The following AUTS2 variants were observed in gnomAD, a reference collection of about 807,000 sequenced individuals.
AUTS2 encodes activator of transcription and developmental regulator AUTS2.
A neutral mutation model predicts 112.4 loss-of-function variants in AUTS2; 17 were observed. The ratio of observed to expected loss-of-function variants is 0.15; its 90% CI spans 0.10 to 0.23. AUTS2 has a LOEUF of 0.23. AUTS2 is among the 10% of genes least tolerant of loss of function. The pLI, the probability that AUTS2 is intolerant of heterozygous loss-of-function variation, is 1.00. For missense variants in AUTS2, 1,510 were observed against 1,701.6 expected (o/e 0.89, Z 1.98); for synonymous variants, 751 against 702.7 (o/e 1.07, Z -1.09).
chr7:70,713,720 C>T (rs1390282734), intron 6 of AUTS2, among the ~76,000 whole-genome samples: 1 of 151,908 alleles, frequency 6.6e-6, no homozygotes, highest in Non-Finnish European at 1.5e-5. Flanking sequence ...TGGTGAAACC[C>T]CGTTTCTACT....
At chr7:70,389,983 T>C (rs1793780792) in intron 4 of AUTS2, among the ~76,000 whole-genome samples, 1 of 152,190 alleles carries the variant, frequency 6.6e-6, no homozygotes, top group African/African-American at 2.4e-5. Context: ...TTTTAGATGG[T>C]GCTTCATCTT....
intron 4 of AUTS2, among the ~76,000 whole-genome samples, chr7:70,348,551 T>C (rs1209859852): frequency 6.6e-6 from 1 of 152,036 alleles, no homozygotes; most frequent in African/African-American, 2.4e-5. Context: ...ACGCCTGTAA[T>C]CCCAGCACTT....
chr7:69,771,214 A>C (rs1788650186), intron 1 of AUTS2, among the ~76,000 whole-genome samples: 1 of 152,164 alleles, frequency 6.6e-6, no homozygotes, highest in Non-Finnish European at 1.5e-5. Context: ...CTGTATGTGA[A>C]CTCACAGGTT....
rs919501615 is a variant in AUTS2, at chr7:70,263,519, T to C, written c.660+128948T>C. On this transcript the variant is annotated intron_variant, in intron 4 of 18. Coordinates refer to ENST00000342771, the MANE Select transcript of AUTS2 (RefSeq NM_015570.4). ...GATATTATTCATGTAGCTATTCCTC[T>C]GTGAACCATAAAATGTTCATTTCTT... Among the ~76,000 whole-genome samples, 4 of 152,350 alleles carry C rather than the reference T, an allele frequency of 2.6e-5. 1 individual carries two copies. The South Asian group carries it at 8.3e-4, about 32-fold the overall frequency.
chr7:70,632,130 G>T (rs145865447), intron 5 of AUTS2, among the ~76,000 whole-genome samples: 2 of 152,150 alleles, frequency 1.3e-5, no homozygotes, highest in Non-Finnish European at 2.9e-5. Flanking sequence ...AGTACCCACC[G>T]TGGAGGTTGT....
intron 6 of AUTS2, among the ~76,000 whole-genome samples, chr7:70,760,532 T>C (rs1484040062): frequency 6.6e-6 from 1 of 152,232 alleles, no homozygotes; most frequent in Non-Finnish European, 1.5e-5. Flanking sequence ...TTCAATGCCT[T>C]TGATAATAGC....
intron 4 of AUTS2, among the ~76,000 whole-genome samples, chr7:70,399,589 TGG>T (rs1335942313): frequency 6.6e-6 from 1 of 152,148 alleles, no homozygotes; most frequent in Non-Finnish European, 1.5e-5. Context: ...CACACCTAAG[TGG>T]ATAGCAGTTT....
chr7:70,162,121 G>A (rs1808106176), intron 4 of AUTS2, among the ~76,000 whole-genome samples: 1 of 152,084 alleles, frequency 6.6e-6, no homozygotes, highest in African/African-American at 2.4e-5. Context: ...AAAATCAACA[G>A]TGTAGAATTT....
chr7:70,150,889 C>G (rs182549819), intron 4 of AUTS2, among the ~76,000 whole-genome samples: 1 of 152,242 alleles, frequency 6.6e-6, no homozygotes, highest in East Asian at 1.9e-4. Context: ...CTATTAGAAA[C>G]AACCAAAACA....
chr7:69,823,718 A>T (rs1055429524), intron 1 of AUTS2, among the ~76,000 whole-genome samples: 9 of 152,170 alleles, frequency 5.9e-5, no homozygotes, highest in African/African-American at 2.2e-4. Context: ...TTTTCTGTGC[A>T]CATAAAAGGA....
intron 1 of AUTS2, among the ~76,000 whole-genome samples, chr7:69,876,368 ATATATATATATATATG>A (rs1335597929): frequency 8.6e-6 from 1 of 116,026 alleles, no homozygotes; most frequent in African/African-American, 3.3e-5. Flanking sequence ...ATATATATAT[ATATATATATATATATG>A]TATATATAAT....
intron 2 of AUTS2, among the ~76,000 whole-genome samples, chr7:70,047,587 T>C (rs1801564480): frequency 6.6e-6 from 1 of 152,130 alleles, no homozygotes; most frequent in African/African-American, 2.4e-5. Context: ...AGTGTGAGCT[T>C]ACAGAGGCTT....
At chr7:70,704,995 A>C (rs1053987179) in intron 6 of AUTS2, among the ~76,000 whole-genome samples, 1 of 152,258 alleles carries the variant, frequency 6.6e-6, no homozygotes, top group Non-Finnish European at 1.5e-5. Flanking sequence ...GAAATGGAGA[A>C]AGTTCAACAA....
chr7:70,262,786 G>A (rs181257651), intron 4 of AUTS2, among the ~76,000 whole-genome samples: 1 of 152,208 alleles, frequency 6.6e-6, no homozygotes, highest in East Asian at 1.9e-4. Flanking sequence ...ATTCCAAACA[G>A]GCTTCTCTTT....
chr7:69,986,464 G>T (rs1798519013), intron 2 of AUTS2, among the ~76,000 whole-genome samples: 1 of 152,194 alleles, frequency 6.6e-6, no homozygotes, highest in Non-Finnish European at 1.5e-5. Flanking sequence ...AGGCTCACTT[G>T]GAAAAATAAT....
chr7:69,915,867 C>T (rs1404145405), intron 2 of AUTS2, among the ~76,000 whole-genome samples: 1 of 152,180 alleles, frequency 6.6e-6, no homozygotes, highest in Non-Finnish European at 1.5e-5. Context: ...GCTGGGACTA[C>T]AGGCGCACAC....
chr7:70,446,129 C>T (rs1345439606), intron 5 of AUTS2, among the ~76,000 whole-genome samples: 1 of 152,198 alleles, frequency 6.6e-6, no homozygotes, highest in Non-Finnish European at 1.5e-5. Context: ...ACCCTCTTGT[C>T]CATCCCCAGA....
At chr7:70,567,147 T>A (rs1801742308) in intron 5 of AUTS2, among the ~76,000 whole-genome samples, 1 of 152,234 alleles carries the variant, frequency 6.6e-6, no homozygotes, top group Admixed American at 6.5e-5. Context: ...AAGCAAAATA[T>A]CAGTGTGTTC....
chr7:70,419,438 G>A (rs560064508), intron 4 of AUTS2, among the ~76,000 whole-genome samples: 1 of 151,444 alleles, frequency 6.6e-6, no homozygotes. Context: ...ACTGGGGGCT[G>A]GGGGGTGGGG....
Sources: allele counts gnomAD v4.1 joint callset (sites outside exome capture counted in the v4.1 genomes callset), GRCh38; gene constraint gnomAD v4.1.1; transcripts MANE v1.5; gene names NCBI Gene and HGNC (gene_info 2026-07-23, HGNC 2026-07-21).